Variants in NPSR1 observed in about 807,000 individuals in gnomAD.
NPSR1 encodes the protein neuropeptide S receptor 1.
NPSR1 carries 48 observed loss-of-function variants against 46.9 expected under a neutral mutation model. That is an observed-to-expected ratio of 1.02 (90% confidence interval 0.81 to 1.30). NPSR1 has a LOEUF of 1.30. NPSR1 is among the 50% of genes most tolerant of loss of function. NPSR1 has a pLI of 0.00. For synonymous variants in NPSR1, 176 were observed against 168.1 expected (o/e 1.05, Z -0.36); for missense variants, 450 against 449.5 (o/e 1.00, Z -0.01).
intron 3 of NPSR1, among the ~76,000 whole-genome samples, chr7:34,780,315 G>T (rs549219219): frequency 9.9e-5 from 15 of 152,194 alleles, no homozygotes; most frequent in African/African-American, 2.4e-4. Flanking sequence ...ATAACCTATG[G>T]TTTCTCCCAA....
rs559910476 is a variant in NPSR1 at position 34,799,638 on chromosome 7, G to C, written c.385-12132G>C. On this transcript the variant is annotated intron_variant, in intron 3 of 8. Coordinates refer to ENST00000360581, the MANE Select transcript of NPSR1 (RefSeq NM_207172.2). ...TGACAAAATGTAAAGACCATCGAGAGTAGGAAGAAACTGCATCAACTAACG... is the reference window on the plus strand; with the variant it reads ...TGACAAAATGTAAAGACCATCGAGACTAGGAAGAAACTGCATCAACTAACG... Among the ~76,000 whole-genome samples the C allele has an allele frequency of 3.5e-3, 529 of 149,040 alleles. 3 individuals carry two copies. The highest frequency in any genetic ancestry group is 5.8e-3 in the Non-Finnish European group (391 of 67,452).
At chr7:34,823,617 T>C (rs1789678362) in intron 4 of NPSR1, among the ~76,000 whole-genome samples, 1 of 152,066 alleles carries the variant, frequency 6.6e-6, no homozygotes, top group Non-Finnish European at 1.5e-5. Context: ...TAGGCACTTT[T>C]GAGGGAAATG....
chr7:34,831,990 T>A (rs1284312570), intron 5 of NPSR1, among the ~76,000 whole-genome samples: 2 of 152,150 alleles, frequency 1.3e-5, no homozygotes, highest in Non-Finnish European at 2.9e-5. Flanking sequence ...GTGGATAGAA[T>A]ACATGGCCAT....
intron 1 of NPSR1, among the ~76,000 whole-genome samples, chr7:34,677,484 T>A (rs929999980): frequency 2.6e-5 from 4 of 152,248 alleles, no homozygotes; most frequent in African/African-American, 9.6e-5. Flanking sequence ...ATTCTCTTCC[T>A]CTTTCCAATT....
chr7:34,855,671 G>T (rs1053760826), intron 8 of NPSR1, among the ~76,000 whole-genome samples: 3 of 152,066 alleles, frequency 2.0e-5, no homozygotes, highest in African/African-American at 7.2e-5. Flanking sequence ...GATTATTTAT[G>T]AGGCTAAAAA....
intron 6 of NPSR1, among the ~76,000 whole-genome samples, chr7:34,838,392 C>T (rs1406318780): frequency 2.0e-5 from 3 of 152,130 alleles, no homozygotes; most frequent in Non-Finnish European, 2.9e-5. Context: ...CCATTAGTGA[C>T]CTCATCCCGA....
intron 3 of NPSR1, among the ~76,000 whole-genome samples, chr7:34,789,498 A>C (rs531616847): frequency 5.9e-5 from 9 of 152,164 alleles, no homozygotes; most frequent in African/African-American, 2.2e-4. Context: ...GCGACTATGA[A>C]AAACTAAATG....
At chr7:34,667,980 C>A (rs1791838681) in intron 1 of NPSR1, among the ~76,000 whole-genome samples, 1 of 151,946 alleles carries the variant, frequency 6.6e-6, no homozygotes, top group Admixed American at 6.6e-5. Flanking sequence ...TATAACCCCC[C>A]TAACATATGT....
chr7:34,747,327 T>C (rs567038903), intron 2 of NPSR1, among the ~76,000 whole-genome samples: 8 of 152,140 alleles, frequency 5.3e-5, no homozygotes, highest in Non-Finnish European at 1.2e-4. Flanking sequence ...CTTCTGCATA[T>C]TGAAAGTGAG....
At chr7:34,869,687 A>G (rs1791405128) in intron 8 of NPSR1, among the ~76,000 whole-genome samples, 1 of 151,740 alleles carries the variant, frequency 6.6e-6, no homozygotes, top group Non-Finnish European at 1.5e-5. Context: ...TCAAGTGCCA[A>G]CTCTATCCCA....
chr7:34,745,753 G>A (rs1785172332), intron 2 of NPSR1, among the ~76,000 whole-genome samples: 1 of 152,126 alleles, frequency 6.6e-6, no homozygotes, highest in Non-Finnish European at 1.5e-5. Context: ...GTCACAAACA[G>A]TCCTCCTGCC....
chr7:34,859,498 G>A (rs1791136474), intron 8 of NPSR1, among the ~76,000 whole-genome samples: 3 of 151,578 alleles, frequency 2.0e-5, no homozygotes, highest in Non-Finnish European at 2.9e-5. Flanking sequence ...TTCCTCAGGA[G>A]AGGATTCATC....
intron 2 of NPSR1, chr7:34,710,894 G>A: frequency 2.4e-6 from 1 of 412,520 alleles, no homozygotes; most frequent in Admixed American, 3.0e-5. Context: ...AAGGCAAGTT[G>A]GAAGCTTATT....
chr7:34,690,680 A>G (rs1168478145), intron 2 of NPSR1, among the ~76,000 whole-genome samples: 3 of 152,230 alleles, frequency 2.0e-5, no homozygotes, highest in African/African-American at 7.2e-5. Context: ...AGAAAAATAT[A>G]CAGAAAAATG....
chr7:34,869,936 C>G (rs1415844893), intron 8 of NPSR1, among the ~76,000 whole-genome samples: 1 of 151,726 alleles, frequency 6.6e-6, no homozygotes, highest in African/African-American at 2.4e-5. Flanking sequence ...AATATTTACA[C>G]CGTGGAAATC....
chr7:34,697,024 G>A (rs940654335), intron 2 of NPSR1, among the ~76,000 whole-genome samples: 3 of 151,936 alleles, frequency 2.0e-5, no homozygotes, highest in South Asian at 2.1e-4. Context: ...CTGATAACAT[G>A]TCTGGGATTT....
intron 2 of NPSR1, chr7:34,751,518 C>G: frequency 1.3e-6 from 2 of 1,507,334 alleles, no homozygotes; most frequent in South Asian, 2.2e-5. Flanking sequence ...GCCCCAGCTC[C>G]TCCTCCATAG....
intron 2 of NPSR1, among the ~76,000 whole-genome samples, chr7:34,700,469 G>GT (rs1432902198): frequency 6.6e-6 from 1 of 152,086 alleles, no homozygotes; most frequent in African/African-American, 2.4e-5. Flanking sequence ...TAAGCCTGAA[G>GT]TTTTTTTCAG....
chr7:34,751,927 G>T, intron 2 of NPSR1: 2 of 1,363,300 alleles, frequency 1.5e-6, no homozygotes, highest in Non-Finnish European at 2.1e-6. Flanking sequence ...AACAACTTGT[G>T]TTCCTGAGGC....
Sources: allele counts gnomAD v4.1 joint callset (sites outside exome capture counted in the v4.1 genomes callset), GRCh38; gene constraint gnomAD v4.1.1; transcripts MANE v1.5; gene names NCBI Gene and HGNC (gene_info 2026-07-23, HGNC 2026-07-21).